The following WBP1L variants were observed in gnomAD, a reference collection of about 807,000 sequenced individuals.
The protein encoded by WBP1L is WW domain binding protein 1 like.
WBP1L carries 17 observed loss-of-function variants against 33.7 expected under a neutral mutation model. The observed-to-expected ratio is 0.50, with a 90% CI of 0.34 to 0.76. The LOEUF (loss-of-function observed/expected upper bound fraction) is 0.76. Among genes scored for constraint, WBP1L ranks in the 30% least tolerant of loss-of-function variants. WBP1L has a pLI of 0.01. For synonymous variants in WBP1L, 173 were observed against 190.8 expected (o/e 0.91, Z 0.77); for missense variants, 389 against 469.4 (o/e 0.83, Z 1.58).
chr10:102,774,680 A>G (rs1843233869), intron 1 of WBP1L, among the ~76,000 whole-genome samples: 1 of 152,158 alleles, frequency 6.6e-6, no homozygotes, highest in Admixed American at 6.5e-5. Flanking sequence ...TGCAAGAATC[A>G]TTTCTGACTT....
chr10:102,757,881 C>CA (rs1842996289), intron 1 of WBP1L, among the ~76,000 whole-genome samples: 1 of 57,644 alleles, frequency 1.7e-5, no homozygotes, highest in Non-Finnish European at 3.3e-5. Flanking sequence ...TGCCCTCCCC[C>CA]CCCCCCTTTT....
At position 102,768,548 on chromosome 10, in the gene WBP1L, G is replaced by A. The variant is rs1232903332; in HGVS notation, c.90+24405G>A. Among the ~76,000 whole-genome samples the A allele has an allele frequency of 1.0e-4, 6 of 57,970 alleles. 2 individuals are homozygous for A. Among genetic ancestry groups the A allele is most frequent in the African/African-American group, 3.3e-4 (4 of 12,130 alleles). 38.0% of individuals were successfully genotyped at this position (57,970 alleles called of 152,430 possible). On this transcript the variant is annotated intron_variant, in intron 1 of 3. Transcript: ENST00000448841. ...ACTACAGGCGCCCGCCACCGCGCCC[G>A]GCTAATTTTTTTTTGTATTTTTAGT...
intron 2 of WBP1L, among the ~76,000 whole-genome samples, chr10:102,802,384 T>C (rs1270736199): frequency 6.6e-6 from 1 of 151,212 alleles, no homozygotes; most frequent in African/African-American, 2.4e-5. Context: ...TTTTTTTTTG[T>C]TTTGTTTTTA....
chr10:102,766,362 A>G lies in WBP1L; in HGVS notation c.90+22219A>G, dbSNP rs1843108071. Among the ~76,000 whole-genome samples, 3 of 148,406 alleles carry G rather than the reference A, an allele frequency of 2.0e-5. No homozygotes were observed. In the South Asian group the frequency reaches 6.4e-4, roughly 31 times the overall value. On this transcript the variant is annotated intron_variant, in intron 1 of 3. Transcript: ENST00000448841. ...AAGCTGAGGTAGGAGAATTTCTTGA[A>G]CCCGGGAGGCGGAGGTTGCAGTTAG...
intron 1 of WBP1L, among the ~76,000 whole-genome samples, chr10:102,792,646 G>A (rs796900283): frequency 1.4e-5 from 2 of 137,970 alleles, no homozygotes; most frequent in East Asian, 2.1e-4. Flanking sequence ...CCAGGCTGGC[G>A]TGCAATGGTG....
At chr10:102,796,586 T>C (rs756723268) in intron 1 of WBP1L, among the ~76,000 whole-genome samples, 3 of 152,222 alleles carry the variant, frequency 2.0e-5, no homozygotes, top group Non-Finnish European at 4.4e-5. Flanking sequence ...GGATGTGCAC[T>C]GTGGGCAGGG....
intron 1 of WBP1L, among the ~76,000 whole-genome samples, chr10:102,758,875 G>C (rs560257633): frequency 1.3e-5 from 2 of 152,282 alleles, no homozygotes; most frequent in South Asian, 4.1e-4. Context: ...AGAGAGAGAA[G>C]GCAGCATACG....
At chr10:102,790,037 C>T (rs988220513) in intron 1 of WBP1L, among the ~76,000 whole-genome samples, 6 of 151,890 alleles carry the variant, frequency 4.0e-5, no homozygotes, top group African/African-American at 1.5e-4. Context: ...CACGCCCGGC[C>T]GAAATTTTGT....
intron 1 of WBP1L, among the ~76,000 whole-genome samples, chr10:102,752,813 CAA>C (rs920016157): frequency 1.3e-5 from 2 of 152,216 alleles, no homozygotes; most frequent in African/African-American, 2.4e-5. Context: ...GGGTCTGTCA[CAA>C]GAGAAGCTAA....
chr10:102,790,634 C>T (rs771564663), intron 1 of WBP1L, among the ~76,000 whole-genome samples: 8 of 152,156 alleles, frequency 5.3e-5, no homozygotes, highest in African/African-American at 1.4e-4. Context: ...CCTCAGCGTC[C>T]GGAGTAGCTG....
chr10:102,755,563 T>C (rs1350277708), intron 1 of WBP1L, among the ~76,000 whole-genome samples: 1 of 151,760 alleles, frequency 6.6e-6, no homozygotes, highest in Non-Finnish European at 1.5e-5. Context: ...GGCTAATTTT[T>C]GTATTTTTAT....
chr10:102,810,880 C>T (rs1843831061), intron 3 of WBP1L, among the ~76,000 whole-genome samples: 1 of 143,738 alleles, frequency 7.0e-6, no homozygotes, highest in African/African-American at 2.5e-5. Flanking sequence ...CCCCTTCCCT[C>T]CCCTCTTTTC....
At chr10:102,781,479 A>G (rs2253942) in intron 1 of WBP1L, among the ~76,000 whole-genome samples, 149,739 of 152,234 alleles carry the variant, frequency 0.98, 73,676 homozygotes, top group East Asian at 1. Context: ...GGCCTGGAGT[A>G]CAAGTCTTCT....
Position 102,813,467 on chromosome 10 carries a change from C to G in WBP1L, c.*136C>G. On this transcript the variant is annotated 3_prime_UTR_variant, in exon 4 of 4. Coordinates refer to ENST00000448841, the MANE Select transcript of WBP1L (RefSeq NM_001083913.2). ...CCTTTTTGTTTGTTTTCCTTCTCCT[C>G]TCCTGCATTTTCCTCCATCTCCAGG... is the stretch of plus-strand genomic sequence containing the variant. 1 of 1,225,312 alleles carries G rather than the reference C, an allele frequency of 8.2e-7. No individual in the cohort carries two copies. The highest frequency in any genetic ancestry group is 1.1e-6 in the Non-Finnish European group (1 of 907,340). The allele number at this position is 1,225,312 out of a possible 1,614,324, so 75.9% of individuals were successfully genotyped here. A position where few individuals can be genotyped will look rare whatever the true frequency, so the allele number is the denominator to read the frequency against.
chr10:102,763,653 A>C (rs915936223), intron 1 of WBP1L, among the ~76,000 whole-genome samples: 4 of 152,180 alleles, frequency 2.6e-5, no homozygotes, highest in Non-Finnish European at 1.5e-5. Context: ...AGAAACCCTT[A>C]GTCCAATCCA....
At chr10:102,757,502 A>C (rs553682547) in intron 1 of WBP1L, among the ~76,000 whole-genome samples, 43 of 143,054 alleles carry the variant, frequency 3.0e-4, no homozygotes, top group African/African-American at 1.1e-3. Context: ...AGTGAGGGGG[A>C]TCCTTAACTT....
chr10:102,748,166 G>A (rs916858283), intron 1 of WBP1L, among the ~76,000 whole-genome samples: 1 of 152,020 alleles, frequency 6.6e-6, no homozygotes, highest in African/African-American at 2.4e-5. Flanking sequence ...TGAGGCAGGA[G>A]AATGGCGTGA....
chr10:102,774,730 C>G (rs1843234781), intron 1 of WBP1L, among the ~76,000 whole-genome samples: 2 of 151,966 alleles, frequency 1.3e-5, no homozygotes, highest in Non-Finnish European at 2.9e-5. Flanking sequence ...ACCATGGAGG[C>G]CTTGGATAAG....
chr10:102,776,210 G>A (rs1263608969), intron 1 of WBP1L: 1 of 1,497,248 alleles, frequency 6.7e-7, no homozygotes. Context: ...GTAGCGAGGA[G>A]AGCAGGAGAC....
Sources: allele counts gnomAD v4.1 joint callset (sites outside exome capture counted in the v4.1 genomes callset), GRCh38; gene constraint gnomAD v4.1.1; transcripts MANE v1.5; gene names NCBI Gene and HGNC (gene_info 2026-07-23, HGNC 2026-07-21).